The following SLC71A2 variants were observed in gnomAD, a reference collection of about 807,000 sequenced individuals.
The protein encoded by SLC71A2 is solute carrier family 71 member 2.
chr9:94,394,921 T>TG, the SLC71A2 span, among the ~76,000 whole-genome samples: 3 of 85,960 alleles, frequency 3.5e-5, no homozygotes, highest in Admixed American at 9.5e-5. Flanking sequence ...TTTTGTTTTT[T>TG]TTTTTTTTTT....
At chr9:94,375,666 C>G in the SLC71A2 span, among the ~76,000 whole-genome samples, 336 of 151,596 alleles carry the variant, frequency 2.2e-3, no homozygotes, top group Non-Finnish European at 3.3e-3. Context: ...GAGAATGTTA[C>G]AGTGAATAGA....
chr9:94,430,162 C>G, the SLC71A2 span, among the ~76,000 whole-genome samples: 1 of 151,220 alleles, frequency 6.6e-6, no homozygotes, highest in Non-Finnish European at 1.5e-5. Flanking sequence ...CTTGGCCTCC[C>G]AAAGTGCTGG....
chr9:94,460,964 G>A, the SLC71A2 span: 2 of 151,300 alleles, frequency 1.3e-5, no homozygotes, highest in African/African-American at 4.9e-5. Flanking sequence ...TGCTCTTTTG[G>A]GTTCTCTGTT....
At chr9:94,415,193 T>G in the SLC71A2 span, 2 of 1,613,998 alleles carry the variant, frequency 1.2e-6, no homozygotes, top group Non-Finnish European at 1.7e-6. Flanking sequence ...TGTACCATGC[T>G]GCTATTGTCA....
the SLC71A2 span, among the ~76,000 whole-genome samples, chr9:94,449,367 TTATAA>T: frequency 6.6e-6 from 1 of 152,226 alleles, no homozygotes; most frequent in African/African-American, 2.4e-5. Context: ...TGTAGAACTC[TTATAA>T]TAAAAGACTT....
chr9:94,444,325 G>A, the SLC71A2 span, among the ~76,000 whole-genome samples: 1 of 152,218 alleles, frequency 6.6e-6, no homozygotes, highest in African/African-American at 2.4e-5. Flanking sequence ...GATAGGGTCA[G>A]GTGGTGACAG....
chr9:94,451,744 T>C, the SLC71A2 span, among the ~76,000 whole-genome samples: 2 of 152,232 alleles, frequency 1.3e-5, no homozygotes, highest in East Asian at 1.9e-4. Context: ...TCTTATATAA[T>C]GTGTAGAGGT....
chr9:94,436,375 G>A, the SLC71A2 span, among the ~76,000 whole-genome samples: 3 of 152,130 alleles, frequency 2.0e-5, no homozygotes, highest in Non-Finnish European at 4.4e-5. Context: ...GTAAGCCTAC[G>A]ATTGCAAAAA....
the SLC71A2 span, among the ~76,000 whole-genome samples, chr9:94,418,289 T>C: frequency 6.6e-6 from 1 of 152,224 alleles, no homozygotes; most frequent in Non-Finnish European, 1.5e-5. Flanking sequence ...TCTTCAAGGT[T>C]ACTGTTTCTT....
chr9:94,410,765 T>G, the SLC71A2 span, among the ~76,000 whole-genome samples: 1 of 152,020 alleles, frequency 6.6e-6, no homozygotes, highest in Non-Finnish European at 1.5e-5. Flanking sequence ...TAGCAAAAAT[T>G]TTAAAATTAT....
the SLC71A2 span, among the ~76,000 whole-genome samples, chr9:94,428,602 T>TCCCCC: frequency 8.6e-6 from 1 of 116,894 alleles, no homozygotes; most frequent in African/African-American, 3.8e-5. Flanking sequence ...CCCCCCCCCT[T>TCCCCC]TTTTTTTTTT....
chr9:94,406,825 T>A, the SLC71A2 span, among the ~76,000 whole-genome samples: 1 of 152,170 alleles, frequency 6.6e-6, no homozygotes, highest in Non-Finnish European at 1.5e-5. Context: ...TTTAGGGTCT[T>A]ATGAGATCTT....
chr9:94,414,933 C>T, the SLC71A2 span, among the ~76,000 whole-genome samples: 1 of 152,152 alleles, frequency 6.6e-6, no homozygotes, highest in Admixed American at 6.5e-5. Context: ...GCTGAGATTA[C>T]AAGCTTGAGC....
chr9:94,382,232 G>T, the SLC71A2 span, among the ~76,000 whole-genome samples: 1 of 151,958 alleles, frequency 6.6e-6, no homozygotes, highest in Admixed American at 6.6e-5. Flanking sequence ...TTACTATGTT[G>T]CCCAGACTGG....
At chr9:94,455,689 A>G in the SLC71A2 span, among the ~76,000 whole-genome samples, 2 of 152,112 alleles carry the variant, frequency 1.3e-5, no homozygotes, top group Non-Finnish European at 2.9e-5. Context: ...TTGGGGCCTC[A>G]CTTTACTCAC....
the SLC71A2 span, among the ~76,000 whole-genome samples, chr9:94,452,493 AG>A: frequency 4.6e-5 from 7 of 151,892 alleles, no homozygotes; most frequent in Non-Finnish European, 7.4e-5. Flanking sequence ...GCTACTCAGG[AG>A]GCTGAGGCAG....
chr9:94,375,052 G>C, the SLC71A2 span: 12 of 581,594 alleles, frequency 2.1e-5, no homozygotes, highest in East Asian at 4.2e-5. Flanking sequence ...TCCTTTTCTG[G>C]GGGGGGAGGC....
the SLC71A2 span, among the ~76,000 whole-genome samples, chr9:94,435,647 CTTCTTTTTTTT>C: frequency 1.2e-5 from 1 of 81,832 alleles, no homozygotes; most frequent in Admixed American, 1.6e-4. Flanking sequence ...CTTTTTCCTT[CTTCTTTTTTTT>C]TTTTTTTTTT....
chr9:94,459,583 T>C, the SLC71A2 span: 7 of 566,332 alleles, frequency 1.2e-5, no homozygotes, highest in Non-Finnish European at 1.8e-5. Flanking sequence ...TTTTTTTTTT[T>C]TCTCTTACAT....
Sources: gnomAD v4.1 joint callset for allele counts (sites outside exome capture counted in the v4.1 genomes callset) on GRCh38, gnomAD v4.1.1 for gene constraint, MANE v1.5 for transcripts, NCBI Gene and HGNC (gene_info 2026-07-23, HGNC 2026-07-21) for gene names.